CNTNAP2: variants seen among roughly 807,000 people sequenced by gnomAD.
CNTNAP2 encodes contactin-associated protein-like 2.
A neutral mutation model predicts 155.2 loss-of-function variants in CNTNAP2; 98 were observed. The observed-to-expected ratio is 0.63, with a 90% CI of 0.54 to 0.75. The LOEUF is 0.75. Ranked by LOEUF, CNTNAP2 falls within the 30% of genes least tolerant of loss-of-function variation. CNTNAP2 has a pLI of 0.00. For missense variants in CNTNAP2, 1,727 were observed against 1,688.1 expected, an observed-to-expected ratio of 1.02 and a Z score of -0.40; for synonymous variants, 651 against 631.2, an observed-to-expected ratio of 1.03 and a Z score of -0.47.
At chr7:146,411,629 A>G (rs949346422) in intron 1 of CNTNAP2, among the ~76,000 whole-genome samples, 1 of 152,070 alleles carries the variant, frequency 6.6e-6, no homozygotes, top group Non-Finnish European at 1.5e-5. Flanking sequence ...TTTAAAAATT[A>G]TTAATTTTTA....
chr7:146,827,492 TG>T (rs1317012130), intron 2 of CNTNAP2, among the ~76,000 whole-genome samples: 9 of 150,722 alleles, frequency 6.0e-5, no homozygotes, highest in Admixed American at 4.0e-4. Flanking sequence ...TGGACAAGAA[TG>T]TTTTTACTTT....
At chr7:147,967,183 T>C (rs1027106429) in intron 14 of CNTNAP2, among the ~76,000 whole-genome samples, 1 of 152,168 alleles carries the variant, frequency 6.6e-6, no homozygotes, top group Non-Finnish European at 1.5e-5. Context: ...TTAGGGAAAA[T>C]ATGAATGTAG....
At chr7:146,280,277 A>G (rs1800229864) in intron 1 of CNTNAP2, among the ~76,000 whole-genome samples, 1 of 152,212 alleles carries the variant, frequency 6.6e-6, no homozygotes, top group African/African-American at 2.4e-5. Context: ...AGTGGAAGTG[A>G]TAATTGTTGT....
intron 20 of CNTNAP2, among the ~76,000 whole-genome samples, chr7:148,244,471 A>T (rs1796218481): frequency 6.6e-6 from 1 of 152,094 alleles, no homozygotes; most frequent in African/African-American, 2.4e-5. Context: ...ATTCATTGGA[A>T]AATATGTTTT....
At chr7:147,126,037 A>AACAAG (rs1172726040) in intron 6 of CNTNAP2, among the ~76,000 whole-genome samples, 2 of 152,296 alleles carry the variant, frequency 1.3e-5, no homozygotes, top group African/African-American at 4.8e-5. Flanking sequence ...AGAGAGAGTA[A>AACAAG]ACAAGACTGT....
At chr7:147,582,711 T>G (rs545262111) in intron 12 of CNTNAP2, among the ~76,000 whole-genome samples, 1 of 152,282 alleles carries the variant, frequency 6.6e-6, no homozygotes, top group South Asian at 2.1e-4. Context: ...GCTTATCTTA[T>G]TAATTGTGTC....
intron 1 of CNTNAP2, among the ~76,000 whole-genome samples, chr7:146,626,576 G>A (rs558166400): frequency 2.0e-5 from 3 of 152,162 alleles, no homozygotes; most frequent in South Asian, 2.1e-4. Flanking sequence ...ATATGATTGT[G>A]TGCCTGTAAA....
At chr7:146,640,736 C>A (rs1799690475) in intron 1 of CNTNAP2, among the ~76,000 whole-genome samples, 1 of 152,260 alleles carries the variant, frequency 6.6e-6, no homozygotes, top group East Asian at 1.9e-4. Flanking sequence ...GCATTTTTCT[C>A]TTCTTTAATA....
At chr7:147,975,348 C>G (rs1169873235) in intron 14 of CNTNAP2, among the ~76,000 whole-genome samples, 1 of 151,822 alleles carries the variant, frequency 6.6e-6, no homozygotes, top group African/African-American at 2.4e-5. Context: ...GGTGCTGGAG[C>G]TGTTCTAAAT....
chr7:146,975,101 A>G (rs1421573004), intron 3 of CNTNAP2, among the ~76,000 whole-genome samples: 1 of 152,244 alleles, frequency 6.6e-6, no homozygotes, highest in South Asian at 2.1e-4. Flanking sequence ...ACAGAAGTAC[A>G]TATTTTGGGT....
intron 3 of CNTNAP2, among the ~76,000 whole-genome samples, chr7:146,850,021 G>T (rs6954039): frequency 6.6e-6 from 1 of 151,966 alleles, no homozygotes; most frequent in Non-Finnish European, 1.5e-5. Flanking sequence ...AATTTAGTCA[G>T]TGTTGACTTT....
chr7:146,377,696 A>C (rs545139486), intron 1 of CNTNAP2, among the ~76,000 whole-genome samples: 1 of 152,244 alleles, frequency 6.6e-6, no homozygotes, highest in African/African-American at 2.4e-5. Context: ...AGTTGCTCAA[A>C]TTAAAAGCCT....
chr7:146,811,818 A>G (rs140331440), intron 2 of CNTNAP2, among the ~76,000 whole-genome samples: 4 of 152,152 alleles, frequency 2.6e-5, no homozygotes, highest in East Asian at 1.9e-4. Context: ...ATAGTGACTG[A>G]GTTCTCATGA....
At chr7:146,907,297 G>T (rs1175598202) in intron 3 of CNTNAP2, among the ~76,000 whole-genome samples, 1 of 144,192 alleles carries the variant, frequency 6.9e-6, no homozygotes, top group Non-Finnish European at 1.5e-5. Flanking sequence ...GAAATACAGA[G>T]AACGCCACAA....
At chr7:147,668,708 C>T (rs1330510627) in intron 13 of CNTNAP2, among the ~76,000 whole-genome samples, 2 of 151,838 alleles carry the variant, frequency 1.3e-5, no homozygotes, top group Non-Finnish European at 2.9e-5. Flanking sequence ...GTGTTTCAAG[C>T]TAAGTGTGAT....
chr7:147,394,028 G>C (rs534661443), intron 9 of CNTNAP2, among the ~76,000 whole-genome samples: 1 of 152,050 alleles, frequency 6.6e-6, no homozygotes, highest in African/African-American at 2.4e-5. Flanking sequence ...GTTTGGCTGT[G>C]TCTCCACCCA....
rs182819969 is a variant in CNTNAP2, at chr7:146,356,346, T to C, written c.97+239373T>C. On this transcript the variant is annotated intron_variant, in intron 1 of 23. Transcript: ENST00000361727. ...TTTCAGAGGTCTTCTGACAGGGCCC[T>C]GCCATTGTACTTCCCCATTTCATAT... 3.9e-5 allele frequency among the ~76,000 whole-genome samples: 6 copies of C among 152,296 alleles called. No individual in the cohort carries two copies. In the East Asian group the frequency reaches 1.2e-3, roughly 29 times the overall value.
chr7:147,688,171 A>G (rs940017427), intron 13 of CNTNAP2, among the ~76,000 whole-genome samples: 9 of 151,950 alleles, frequency 5.9e-5, no homozygotes, highest in Non-Finnish European at 1.2e-4. Flanking sequence ...TCTTCTTACC[A>G]TTTGACGCAT....
At position 146,968,272 on chromosome 7, in the gene CNTNAP2, T is replaced by C. The variant is rs560591370; in HGVS notation, c.403-75635T>C. Among the ~76,000 whole-genome samples the C allele has an allele frequency of 3.5e-4, 54 of 152,226 alleles. No individual in the cohort carries two copies. The East Asian group carries it at 6.4e-3, about 18-fold the overall frequency. The stretch of plus-strand genomic sequence containing the variant: ...TCAAGGATATTGGTCTAAAATTCTC[T>C]TTTTTTGTTGTGTCTCTGCCTGGCT... On this transcript the variant is annotated intron_variant, in intron 3 of 23. Transcript: ENST00000361727.
Sources: gnomAD v4.1 joint callset for allele counts (sites outside exome capture counted in the v4.1 genomes callset) on GRCh38, gnomAD v4.1.1 for gene constraint, MANE v1.5 for transcripts, NCBI Gene and HGNC (gene_info 2026-07-23, HGNC 2026-07-21) for gene names.